The following GRIK2 variants were observed in gnomAD, a reference collection of about 807,000 sequenced individuals.
GRIK2 encodes the protein glutamate ionotropic receptor kainate type subunit 2, also known as glutamate receptor ionotropic, kainate 2.
In GRIK2, 32 loss-of-function variants were observed where a neutral mutation model predicts 100.3. The ratio of observed to expected loss-of-function variants is 0.32; its 90% CI spans 0.24 to 0.43. The LOEUF is 0.43. GRIK2 is among the 20% of genes least tolerant of loss of function. The pLI is 1.00. For missense variants in GRIK2, 843 were observed against 1,114.9 expected, an observed-to-expected ratio of 0.76 and a Z score of 3.47; for synonymous variants, 417 against 389.4, an observed-to-expected ratio of 1.07 and a Z score of -0.83.
intron 2 of GRIK2, among the ~76,000 whole-genome samples, chr6:101,447,870 T>C (rs921732372): frequency 6.6e-6 from 1 of 151,726 alleles, no homozygotes; most frequent in African/African-American, 2.4e-5. Flanking sequence ...TTCTATAGTG[T>C]AGTTACCAGA....
chr6:101,411,196 T>A (rs1446710537), intron 2 of GRIK2, among the ~76,000 whole-genome samples: 1 of 152,062 alleles, frequency 6.6e-6, no homozygotes, highest in East Asian at 1.9e-4. Context: ...TTAAATTCAT[T>A]TCTCTTTCTT....
At chr6:101,504,570 A>G (rs1375695212) in intron 2 of GRIK2, among the ~76,000 whole-genome samples, 1 of 151,676 alleles carries the variant, frequency 6.6e-6, no homozygotes, top group Non-Finnish European at 1.5e-5. Flanking sequence ...TACTATATAT[A>G]AAATATGTAA....
intron 2 of GRIK2, among the ~76,000 whole-genome samples, chr6:101,590,300 T>A (rs1778579553): frequency 6.6e-6 from 1 of 151,996 alleles, no homozygotes; most frequent in South Asian, 2.1e-4. Context: ...GGTAACTCAG[T>A]GTTAGGTTTT....
intron 2 of GRIK2, among the ~76,000 whole-genome samples, chr6:101,464,767 G>A (rs1404715696): frequency 2.0e-5 from 3 of 151,808 alleles, no homozygotes; most frequent in South Asian, 2.1e-4. Flanking sequence ...TGATCTGCCC[G>A]CCTCAGCCTC....
intron 4 of GRIK2, 78 bp from the exon 5 acceptor site, chr6:101,676,545 A>G: frequency 1.2e-6 from 1 of 800,026 alleles, no homozygotes. Flanking sequence ...ATACATTCTA[A>G]TGAGTGTTTT....
At chr6:101,765,974 T>A (rs1044437351) in intron 7 of GRIK2, among the ~76,000 whole-genome samples, 1 of 152,172 alleles carries the variant, frequency 6.6e-6, no homozygotes, top group African/African-American at 2.4e-5. Context: ...TAAAAAATGT[T>A]GCATATGAGT....
At chr6:101,702,729 T>G (rs1338741680) in intron 7 of GRIK2, among the ~76,000 whole-genome samples, 1 of 151,726 alleles carries the variant, frequency 6.6e-6, no homozygotes, top group East Asian at 1.9e-4. Context: ...GGAAGGCCCT[T>G]TAGCTAGGGT....
intron 2 of GRIK2, among the ~76,000 whole-genome samples, chr6:101,505,358 G>A (rs1773968822): frequency 6.6e-6 from 1 of 152,070 alleles, no homozygotes; most frequent in Non-Finnish European, 1.5e-5. Context: ...CAGTTAAGCA[G>A]CTGGCAGTCT....
intron 14 of GRIK2, among the ~76,000 whole-genome samples, chr6:102,027,182 A>C (rs1245168326): frequency 6.6e-6 from 1 of 151,334 alleles, no homozygotes; most frequent in East Asian, 1.9e-4. Context: ...CATTATAAAC[A>C]AAATTGGTCA....
intron 14 of GRIK2, among the ~76,000 whole-genome samples, chr6:101,977,729 A>C (rs1793478750): frequency 6.6e-6 from 1 of 151,950 alleles, no homozygotes; most frequent in Admixed American, 6.6e-5. Context: ...TTAGTGGAAG[A>C]CTTCTAAAAC....
chr6:101,932,172 C>T (rs940190209), intron 14 of GRIK2, among the ~76,000 whole-genome samples: 23 of 151,888 alleles, frequency 1.5e-4, no homozygotes, highest in African/African-American at 4.8e-4. Context: ...TCAAGTTTTC[C>T]AGTTTTTAGA....
At chr6:101,840,086 C>T (rs546940334) in intron 10 of GRIK2, among the ~76,000 whole-genome samples, 1 of 152,252 alleles carries the variant, frequency 6.6e-6, no homozygotes, top group East Asian at 1.9e-4. Flanking sequence ...ACATTTCTTT[C>T]TTCTCCTGAC....
intron 2 of GRIK2, among the ~76,000 whole-genome samples, chr6:101,576,396 T>C (rs918437473): frequency 6.6e-6 from 1 of 152,080 alleles, no homozygotes; most frequent in African/African-American, 2.4e-5. Flanking sequence ...AGGTGATAAT[T>C]GTTAAGACAT....
intron 14 of GRIK2, among the ~76,000 whole-genome samples, chr6:102,019,023 A>G (rs914100409): frequency 1.3e-5 from 2 of 152,072 alleles, no homozygotes; most frequent in African/African-American, 2.4e-5. Context: ...TCAGTTGGCT[A>G]TATAAACTTT....
intron 14 of GRIK2, among the ~76,000 whole-genome samples, chr6:102,030,411 A>AT (rs202113440): frequency 7.0e-4 from 103 of 148,196 alleles, no homozygotes; most frequent in Middle Eastern, 3.5e-3. Context: ...TTTTTATTTT[A>AT]TTTTTTTTTT....
At chr6:101,809,003 A>T (rs1781168708) in intron 9 of GRIK2, among the ~76,000 whole-genome samples, 1 of 151,464 alleles carries the variant, frequency 6.6e-6, no homozygotes, top group South Asian at 2.1e-4. Flanking sequence ...AATAATTTGT[A>T]AATGTCTTAT....
At chr6:101,546,806 CATGTTT>C (rs1401863402) in intron 2 of GRIK2, among the ~76,000 whole-genome samples, 2 of 144,680 alleles carry the variant, frequency 1.4e-5, no homozygotes, top group Admixed American at 1.4e-4. Flanking sequence ...CTCCAACTCT[CATGTTT>C]TTGTTTCTTT....
chr6:102,006,390 A>ATATATATT (rs1315524835), intron 14 of GRIK2, among the ~76,000 whole-genome samples: 36 of 114,086 alleles, frequency 3.2e-4, no homozygotes, highest in African/African-American at 1.5e-3. Context: ...ATATATATAT[A>ATATATATT]TTTTTTTTTT....
intron 12 of GRIK2, among the ~76,000 whole-genome samples, chr6:101,903,783 G>GT (rs1554283356): frequency 4.3e-5 from 1 of 23,338 alleles, no homozygotes; most frequent in African/African-American, 1.1e-4. Context: ...AGAAGTTGGA[G>GT]CAAAAAAAAA....
Sources: allele counts gnomAD v4.1 joint callset (sites outside exome capture counted in the v4.1 genomes callset), GRCh38; gene constraint gnomAD v4.1.1; transcripts MANE v1.5; gene names NCBI Gene and HGNC (gene_info 2026-07-23, HGNC 2026-07-21).